Variants in CELF6 observed in about 807,000 individuals in gnomAD.
CELF6 encodes the protein CUGBP Elav-like family member 6.
Under a neutral mutation model 53.1 loss-of-function variants are expected in CELF6, and 32 were observed. The observed-to-expected ratio is 0.60, with a 90% CI of 0.46 to 0.81. The LOEUF (loss-of-function observed/expected upper bound fraction) is 0.81. Among genes scored for constraint, CELF6 ranks in the 30% least tolerant of loss-of-function variants. The pLI is 0.00. For missense variants in CELF6, 539 were observed against 669.5 expected (o/e 0.81, Z 2.15); for synonymous variants, 291 against 288.8 (o/e 1.01, Z -0.08).
intron 2 of CELF6, among the ~76,000 whole-genome samples, chr15:72,314,405 C>T (rs1054351312): frequency 6.6e-6 from 1 of 152,080 alleles, no homozygotes; most frequent in Non-Finnish European, 1.5e-5. Context: ...TTACTCTGTG[C>T]CAGGCACTTG....
intron 1 of CELF6, among the ~76,000 whole-genome samples, chr15:72,318,236 A>C (rs2088385102): frequency 6.6e-6 from 1 of 152,166 alleles, no homozygotes; most frequent in Admixed American, 6.5e-5. Flanking sequence ...AAAGGGTGGA[A>C]GCTGTACTCC....
chr15:72,289,219 C>T lies in CELF6; in HGVS notation c.949G>A (p.Gly317Arg). The change falls in exon 8 of 13, where the codon GGA (glycine) becomes AGA (arginine). Residue 317 changes from glycine (G) to arginine (R), a missense_variant. Coordinates refer to ENST00000287202, the MANE Select transcript of CELF6 (RefSeq NM_052840.5). The surrounding 1 kb of genome is among the most constrained non-coding windows in gnomAD (Gnocchi z 7.6). Reference protein sequence around the residue: ...PGLPAPIGVNGFGPLTPQTNG... With the variant: ...PGLPAPIGVNRFGPLTPQTNG... ...GTCTGGGGGGTCAGAGGGCCGAATC[C>T]ATTGACCCCGATGGGCGCCGGAAGA... The T allele has an allele frequency of 6.4e-7, 1 of 1,574,782 alleles. No homozygotes were observed. Among genetic ancestry groups the T allele is most frequent in the Non-Finnish European group, 8.6e-7 (1 of 1,167,520 alleles).
At chr15:72,307,220 G>A (rs532338674) in intron 2 of CELF6, among the ~76,000 whole-genome samples, 1 of 152,226 alleles carries the variant, frequency 6.6e-6, no homozygotes, top group African/African-American at 2.4e-5. Context: ...GGGAGATGGT[G>A]CTCTGGGGGA....
At chr15:72,292,907 A>G (rs2088024966) in intron 3 of CELF6, among the ~76,000 whole-genome samples, 1 of 152,212 alleles carries the variant, frequency 6.6e-6, no homozygotes, top group African/African-American at 2.4e-5. Flanking sequence ...CATGCCTATA[A>G]TCCCAGCTAT....
intron 3 of CELF6, among the ~76,000 whole-genome samples, chr15:72,293,894 G>A (rs563363054): frequency 6.6e-5 from 10 of 152,032 alleles, no homozygotes; most frequent in South Asian, 4.2e-4. Flanking sequence ...GGGTTTCACC[G>A]TGTTGGCCAT....
chr15:72,302,757 G>A (rs114254006), intron 3 of CELF6, among the ~76,000 whole-genome samples: 2,456 of 152,216 alleles, frequency 0.016, 67 homozygotes, highest in African/African-American at 0.056. Context: ...TGGGGCCTGC[G>A]GACATGCTCT....
intron 1 of CELF6, 70 bp from the exon 2 acceptor site, chr15:72,315,997 T>C: frequency 9.4e-7 from 1 of 1,059,524 alleles, no homozygotes; most frequent in Non-Finnish European, 1.4e-6. Flanking sequence ...AATACCCCAC[T>C]AAGTTGACAA....
chr15:72,316,072 T>A, intron 1 of CELF6, 145 bp from the exon 2 acceptor site: 2 of 595,920 alleles, frequency 3.4e-6, no homozygotes, highest in Non-Finnish European at 5.9e-6. Flanking sequence ...GCCTCCCACC[T>A]CTGGAGGGAG....
intron 12 of CELF6, among the ~76,000 whole-genome samples, 172 bp from the exon 13 acceptor site, chr15:72,286,514 C>G (rs1198883459): frequency 1.3e-5 from 2 of 152,202 alleles, no homozygotes; most frequent in Admixed American, 6.5e-5. Context: ...CAGCCCCGTC[C>G]ACTGAAGCCA....
At chr15:72,303,915 T>C (rs1387709090) in intron 3 of CELF6, among the ~76,000 whole-genome samples, 1 of 152,036 alleles carries the variant, frequency 6.6e-6, no homozygotes, top group South Asian at 2.1e-4. Context: ...TGGAGTGCAA[T>C]GGCGTGATCT....
chr15:72,294,977 C>CA (rs34499459), intron 3 of CELF6, among the ~76,000 whole-genome samples: 5,326 of 104,958 alleles, frequency 0.051, 478 homozygotes, highest in African/African-American at 0.15. Flanking sequence ...GACTGTGTCT[C>CA]AAAAAAAAAA....
At chr15:72,292,277 G>T (rs1209282955) in intron 3 of CELF6, 2 of 1,529,130 alleles carry the variant, frequency 1.3e-6, no homozygotes, top group African/African-American at 2.7e-5. Flanking sequence ...TGAGAAGACA[G>T]GAAAGGTCTT....
chr15:72,291,496 T>C (rs146144224), intron 3 of CELF6, among the ~76,000 whole-genome samples: 2,232 of 152,320 alleles, frequency 0.015, 30 homozygotes, highest in Non-Finnish European at 0.024. Context: ...TAAATGGTTC[T>C]ACTCCTTGAC....
At chr15:72,291,232 G>T (rs1298836977) in intron 3 of CELF6, among the ~76,000 whole-genome samples, 1 of 152,178 alleles carries the variant, frequency 6.6e-6, no homozygotes, top group African/African-American at 2.4e-5. Flanking sequence ...AAGAAAGCTG[G>T]AGAGCTGGGG....
chr15:72,291,648 C>A (rs115236757), intron 3 of CELF6, among the ~76,000 whole-genome samples: 269 of 152,266 alleles, frequency 1.8e-3, no homozygotes, highest in African/African-American at 6.2e-3. Context: ...GGGGAGAAAT[C>A]TCCAACAAGA....
rs759524400 is a variant in CELF6, at chr15:72,290,158, C to T, written c.492G>A (p.Thr164=). Residue 164 remains threonine (T), a synonymous_variant, in exon 4 of 13, where the codon ACG becomes ACA. Transcript: ENST00000287202. ...FQPFGHIEEC[T]VLRSPDGTSK... is the part of the protein sequence containing the mutation. ...TGGTGCCGTCAGGACTCCGCAGGACCGTGCACTCCTCGATGTGGCCAAAGG... is the reference window on the plus strand; with the variant it reads ...TGGTGCCGTCAGGACTCCGCAGGACTGTGCACTCCTCGATGTGGCCAAAGG... 3.7e-6 allele frequency: 6 copies of T among 1,614,046 alleles called. No individual in the cohort carries two copies. The highest frequency in any genetic ancestry group is 2.5e-6 in the Non-Finnish European group (3 of 1,180,020).
chr15:72,300,559 C>T (rs973178732), intron 3 of CELF6, among the ~76,000 whole-genome samples: 2 of 152,086 alleles, frequency 1.3e-5, no homozygotes, highest in Non-Finnish European at 2.9e-5. Flanking sequence ...CTAGGTTGGG[C>T]GTGGTGGCTC....
chr15:72,289,210 G>T lies in CELF6; in HGVS notation c.958C>A (p.Pro320Thr). The T allele has an allele frequency of 6.4e-7, 1 of 1,572,424 alleles. No individual in the cohort carries two copies. The highest frequency in any genetic ancestry group is 1.2e-5 in the South Asian group (1 of 84,840). ...TGGCCATTGGTCTGGGGGGTCAGAGGGCCGAATCCATTGACCCCGATGGGC... is the reference window on the plus strand; with the variant it reads ...TGGCCATTGGTCTGGGGGGTCAGAGTGCCGAATCCATTGACCCCGATGGGC... Reference protein sequence around the residue: ...PAPIGVNGFGPLTPQTNGQPG... With the variant: ...PAPIGVNGFGTLTPQTNGQPG... The change falls in exon 8 of 13, where the codon CCT becomes ACT. Residue 320 changes from proline (P) to threonine (T), a missense_variant. Physicochemically the swap from Pro to Thr is conservative, Grantham distance 38. This residue lies in a region of CELF6 where 358 missense variants were observed against 412.8 expected (regional missense o/e 0.87). Transcript: ENST00000287202. This position sits in a 1 kb window ranked among gnomAD's most constrained non-coding sequence, Gnocchi z 7.6.
rs1411283385 is a variant in CELF6 at position 72,289,026 on chromosome 15, G to T, written c.1031-96C>A. 1.5e-6 allele frequency: 2 copies of T among 1,305,992 alleles called. No homozygotes were observed. The highest frequency in any genetic ancestry group is 2.5e-5 in the East Asian group (1 of 39,648). The allele number at this position is 1,305,992 out of a possible 1,614,324, so 80.9% of individuals were successfully genotyped here. A position where few individuals can be genotyped will look rare whatever the true frequency, so the allele number is the denominator to read the frequency against. ...AGTGTGGGAGGTGGACGGCGGCTGT[G>T]AGAGACAGCAGGGAAGGAGGGGGAT... On this transcript the variant is annotated intron_variant, in intron 8 of 12. Coordinates refer to ENST00000287202, the MANE Select transcript of CELF6 (RefSeq NM_052840.5). This position sits in a 1 kb window ranked among gnomAD's most constrained non-coding sequence, Gnocchi z 7.6.
Sources: gnomAD v4.1 joint callset for allele counts (sites outside exome capture counted in the v4.1 genomes callset) on GRCh38, gnomAD v4.1.1 for gene constraint, gnomAD v4.1.1 regional missense constraint, Gnocchi (gnomAD v3.1) non-coding constraint, MANE v1.5 for transcripts, NCBI Gene and HGNC (gene_info 2026-07-23, HGNC 2026-07-21) for gene names.